CHRDL1: variants seen among roughly 807,000 people sequenced by gnomAD.
CHRDL1 encodes chordin like 1.
CHRDL1 carries 19 observed loss-of-function variants against 40.9 expected under a neutral mutation model. That is an observed-to-expected ratio of 0.46 (90% CI 0.32 to 0.68). The LOEUF (loss-of-function observed/expected upper bound fraction) is 0.68. CHRDL1 is among the 30% of genes least tolerant of loss of function. The pLI is 0.03. For synonymous variants in CHRDL1, 136 were observed against 123.4 expected (o/e 1.10, Z -0.68); for missense variants, 329 against 352.1 (o/e 0.93, Z 0.53).
chrX:110,681,471 G>A lies in CHRDL1; in HGVS notation c.1156+11C>T. On this transcript the variant is annotated intron_variant, in intron 10 of 11. Coordinates refer to ENST00000372042, the MANE Select transcript of CHRDL1 (RefSeq NM_001143981.2). Reference sequence around the variant, plus strand: ...CTTACAAAGATGAGAAATTAATGTTGTCTTGCTCACCCTTTCGAATAGTCC... The same window carrying A: ...CTTACAAAGATGAGAAATTAATGTTATCTTGCTCACCCTTTCGAATAGTCC... The A allele has an allele frequency of 8.4e-7, 1 of 1,194,376 alleles. No individual in the cohort carries two copies. The highest frequency in any genetic ancestry group is 1.1e-6 in the Non-Finnish European group (1 of 882,180).
At chrX:110,705,340 C>T (rs370478885) in intron 6 of CHRDL1, among the ~76,000 whole-genome samples, 4 of 8,467 alleles carry the variant, frequency 4.7e-4, no homozygotes, top group Non-Finnish European at 7.8e-4. Flanking sequence ...CATATATATA[C>T]ACATATATAT....
At chrX:110,750,191 T>C (rs2089331799) in intron 4 of CHRDL1, among the ~76,000 whole-genome samples, 1 of 111,889 alleles carries the variant, frequency 8.9e-6, no homozygotes, top group African/African-American at 3.3e-5. Flanking sequence ...CAGACGAAAG[T>C]AAAAATGATT....
intron 2 of CHRDL1, among the ~76,000 whole-genome samples, chrX:110,780,065 G>C (rs1037797219): frequency 9.0e-6 from 1 of 111,435 alleles, no homozygotes; most frequent in African/African-American, 3.2e-5. Context: ...AGTAACAGGA[G>C]TGTGTTTGTC....
intron 7 of CHRDL1, among the ~76,000 whole-genome samples, chrX:110,699,287 G>A (rs1449795687): frequency 1.8e-5 from 2 of 111,403 alleles, no homozygotes; most frequent in Non-Finnish European, 3.8e-5. Flanking sequence ...GTTAGAAGTG[G>A]CCCATGTGAT....
intron 4 of CHRDL1, among the ~76,000 whole-genome samples, chrX:110,726,712 T>C (rs150940776): frequency 0.011 from 1,219 of 112,029 alleles, 11 homozygotes; most frequent in Non-Finnish European, 0.017. Context: ...TGGTAGATGA[T>C]CTTGCTCTAG....
intron 2 of CHRDL1, among the ~76,000 whole-genome samples, chrX:110,784,699 T>C (rs2089991367): frequency 9.0e-6 from 1 of 111,653 alleles, no homozygotes; most frequent in African/African-American, 3.3e-5. Context: ...CTACTTGTTT[T>C]GTGGTTATTT....
At chrX:110,776,988 T>C (rs2089863101) in intron 2 of CHRDL1, among the ~76,000 whole-genome samples, 3 of 111,482 alleles carry the variant, frequency 2.7e-5, no homozygotes, top group South Asian at 7.6e-4. Flanking sequence ...ATATTTTGTG[T>C]TCTGCCTATT....
chrX:110,718,386 T>C (rs1229728592), intron 6 of CHRDL1, among the ~76,000 whole-genome samples: 1 of 112,397 alleles, frequency 8.9e-6, no homozygotes, highest in African/African-American at 3.2e-5. Flanking sequence ...CACTTCATAC[T>C]CTTTCTCACA....
chrX:110,748,584 A>AAAGCAACATTTGCT (rs1240586343), intron 4 of CHRDL1, among the ~76,000 whole-genome samples: 1 of 112,093 alleles, frequency 8.9e-6, no homozygotes, highest in Non-Finnish European at 1.9e-5. Context: ...AGATTCCTCT[A>AAAGCAACATTTGCT]AGACTCTTTG....
At chrX:110,681,126 G>C (rs2069887213) in intron 10 of CHRDL1, among the ~76,000 whole-genome samples, 1 of 111,093 alleles carries the variant, frequency 9.0e-6, no homozygotes, top group African/African-American at 3.3e-5. Flanking sequence ...CCCCACTCCA[G>C]ACCAACTAAT....
At chrX:110,729,041 C>T (rs999833153) in intron 4 of CHRDL1, among the ~76,000 whole-genome samples, 3 of 111,923 alleles carry the variant, frequency 2.7e-5, no homozygotes, top group Non-Finnish European at 5.6e-5. Context: ...GCAGGAGAAT[C>T]GCTTGAACCT....
intron 4 of CHRDL1, among the ~76,000 whole-genome samples, chrX:110,734,013 T>A (rs754857282): frequency 2.1e-4 from 23 of 110,457 alleles, no homozygotes; most frequent in African/African-American, 7.6e-4. Context: ...ATGCTAATTT[T>A]AAGAGTCTGG....
chrX:110,702,022 T>C, intron 6 of CHRDL1, among the ~76,000 whole-genome samples: 1 of 111,839 alleles, frequency 8.9e-6, no homozygotes, highest in Non-Finnish European at 1.9e-5. Context: ...ATAATGAATT[T>C]TGAGGATTTA....
chrX:110,723,979 C>T (rs1317602871), intron 4 of CHRDL1, among the ~76,000 whole-genome samples: 2 of 112,279 alleles, frequency 1.8e-5, no homozygotes, highest in Non-Finnish European at 3.8e-5. Flanking sequence ...AGAGGCCCTG[C>T]CCCTGCCCAC....
At position 110,676,264 on chromosome X, in the gene CHRDL1, CA is replaced by C; in HGVS notation, c.1343del (p.Leu448CysfsTer21). The C allele has an allele frequency of 8.3e-7, 1 of 1,209,656 alleles. No individual in the cohort carries two copies. ...GGCCCTTTTCAGATCTCTCCAGGTA[CA>C]AAACCTTGACTAAATCTTCAAGCTC... The part of the protein sequence containing the change: ...RTELEDLVKV[L>X]YLERSEKGHC On this transcript the variant is annotated frameshift_variant, in exon 12 of 12. Transcript: ENST00000372042. LOFTEE classifies it high-confidence loss of function.
In CHRDL1 at chrX:110,776,017, C is replaced by T. The variant is rs996382472; in HGVS notation, c.95-13210G>A. The stretch of plus-strand genomic sequence containing the variant: ...ACAGATATGTTCTAACAGAATTTTC[C>T]CAATCCCTCCCTTCCATTCCTTATT... On this transcript the variant is annotated intron_variant, in intron 2 of 11. Coordinates refer to ENST00000372042, the MANE Select transcript of CHRDL1 (RefSeq NM_001143981.2). 3.6e-5 allele frequency among the ~76,000 whole-genome samples: 4 copies of T among 111,496 alleles called. No homozygotes were observed. The East Asian group carries it at 1.1e-3, about 31-fold the overall frequency.
At chrX:110,696,789 T>C (rs2070394983) in intron 7 of CHRDL1, among the ~76,000 whole-genome samples, 2 of 110,903 alleles carry the variant, frequency 1.8e-5, no homozygotes, top group Non-Finnish European at 3.8e-5. Context: ...GGCCTGGGCA[T>C]TAGGATTTTA....
chrX:110,744,629 C>T (rs187188564), intron 4 of CHRDL1, among the ~76,000 whole-genome samples: 15 of 111,503 alleles, frequency 1.3e-4, no homozygotes, highest in African/African-American at 4.6e-4. Context: ...CACTTGGGAA[C>T]ATGTACATTC....
At chrX:110,790,063 A>G (rs2090074030) in intron 2 of CHRDL1, among the ~76,000 whole-genome samples, 1 of 103,977 alleles carries the variant, frequency 9.6e-6, no homozygotes, top group Non-Finnish European at 2.1e-5. Flanking sequence ...CTGTGCATGC[A>G]TATTGTGTGT....
Sources: gnomAD v4.1 joint callset for allele counts (sites outside exome capture counted in the v4.1 genomes callset) on GRCh38, gnomAD v4.1.1 for gene constraint, MANE v1.5 for transcripts, NCBI Gene and HGNC (gene_info 2026-07-23, HGNC 2026-07-21) for gene names.